MEGF10: variants seen among roughly 807,000 people sequenced by gnomAD.
The protein encoded by MEGF10 is multiple EGF like domains 10, also known as multiple epidermal growth factor-like domains protein 10.
A neutral mutation model predicts 147.5 loss-of-function variants in MEGF10; 86 were observed. The observed-to-expected ratio is 0.58, with a 90% confidence interval of 0.49 to 0.70. The LOEUF is 0.70. MEGF10 is among the 30% of genes least tolerant of loss of function. MEGF10 has a pLI of 0.00. For missense variants in MEGF10, 1,329 were observed against 1,487.3 expected, an observed-to-expected ratio of 0.89 and a Z score of 1.75; for synonymous variants, 478 against 525.5, an observed-to-expected ratio of 0.91 and a Z score of 1.24.
chr5:127,316,523 G>A (rs891338252), intron 1 of MEGF10, among the ~76,000 whole-genome samples: 1 of 152,032 alleles, frequency 6.6e-6, no homozygotes, highest in African/African-American at 2.4e-5. Context: ...TGTAATCACT[G>A]GTATTGCAAT....
At chr5:127,342,601 C>T (rs1028960672) in intron 4 of MEGF10, among the ~76,000 whole-genome samples, 1 of 152,064 alleles carries the variant, frequency 6.6e-6, no homozygotes, top group Admixed American at 6.6e-5. Flanking sequence ...TGGCATCAGC[C>T]GCATAATTCA....
rs1766490529 is a variant in MEGF10, at chr5:127,459,567, AC to A, written c.*2250del. On this transcript the variant is annotated 3_prime_UTR_variant, in exon 25 of 25. Coordinates refer to ENST00000503335, the MANE Select transcript of MEGF10 (RefSeq NM_001256545.2). ...TGTTCTCTAGAGCTAGGTCAAAAAA[AC>A]AACTGTTTCTTTTCTTATTCCACTA... The A allele has an allele frequency of 6.6e-6, 1 of 152,194 alleles. No homozygotes were observed. Among genetic ancestry groups the A allele is most frequent in the Admixed American group, 6.5e-5 (1 of 15,268 alleles). 9.4% of individuals were successfully genotyped at this position (152,194 alleles called of 1,614,324 possible). A position where few individuals can be genotyped will look rare whatever the true frequency, so the allele number is the denominator to read the frequency against.
chr5:127,279,998 T>A, the MEGF10 span, among the ~76,000 whole-genome samples: 1 of 152,252 alleles, frequency 6.6e-6, no homozygotes, highest in Non-Finnish European at 1.5e-5. Flanking sequence ...CACTAGTATT[T>A]ACTTTTAATT....
chr5:127,232,864 C>G, the MEGF10 span, among the ~76,000 whole-genome samples: 2 of 151,914 alleles, frequency 1.3e-5, no homozygotes, highest in African/African-American at 4.8e-5. Context: ...GGAAGAAAAG[C>G]GAAATGTCTG....
chr5:127,323,025 T>C (rs1212554044), intron 1 of MEGF10, among the ~76,000 whole-genome samples: 2 of 151,908 alleles, frequency 1.3e-5, no homozygotes, highest in African/African-American at 4.8e-5. Flanking sequence ...TATATATGCA[T>C]ATATATATGT....
chr5:127,459,593 A>G lies in MEGF10; in HGVS notation c.*2275A>G, dbSNP rs1256113274. ...CAACTGTTTCTTTTCTTATTCCACTATTAATAAATTGAAAGCTTGCTGTAC... is the reference window on the plus strand; with the variant it reads ...CAACTGTTTCTTTTCTTATTCCACTGTTAATAAATTGAAAGCTTGCTGTAC... On this transcript the variant is annotated 3_prime_UTR_variant, in exon 25 of 25. Coordinates refer to ENST00000503335, the MANE Select transcript of MEGF10 (RefSeq NM_001256545.2). 1 of 152,168 alleles carries G rather than the reference A, an allele frequency of 6.6e-6. No homozygotes were observed. Among genetic ancestry groups the G allele is most frequent in the Non-Finnish European group, 1.5e-5 (1 of 68,020 alleles). 9.4% of individuals were successfully genotyped at this position (152,168 alleles called of 1,614,324 possible). A position where few individuals can be genotyped will look rare whatever the true frequency, so the allele number is the denominator to read the frequency against.
chr5:127,425,756 C>T (rs1019464355), intron 13 of MEGF10, among the ~76,000 whole-genome samples: 20 of 152,084 alleles, frequency 1.3e-4, no homozygotes, highest in South Asian at 6.2e-4. Context: ...CCTTTTTGAA[C>T]GTAAAGAAGG....
At chr5:127,301,271 CAT>C (rs1238405421) in intron 1 of MEGF10, among the ~76,000 whole-genome samples, 2 of 152,162 alleles carry the variant, frequency 1.3e-5, no homozygotes, top group African/African-American at 4.8e-5. Context: ...CCTTGTCCTC[CAT>C]CAGTGTGGCG....
the MEGF10 span, among the ~76,000 whole-genome samples, chr5:127,252,359 G>C: frequency 6.6e-6 from 1 of 151,724 alleles, no homozygotes. Flanking sequence ...TGAAAAGAGG[G>C]AAACATCCAA....
Position 127,449,453 on chromosome 5 carries a change from T to G in MEGF10, c.2980+231T>G, listed in dbSNP as rs566810168. The stretch of plus-strand genomic sequence containing the variant: ...GTGCCAGGAATTGATCAAAAGAGAT[T>G]GGGATCTCTGCCTGCTCGTAGCTTA... On this transcript the variant is annotated intron_variant, in intron 22 of 24. Coordinates refer to ENST00000503335, the MANE Select transcript of MEGF10 (RefSeq NM_001256545.2). Among the ~76,000 whole-genome samples the G allele has an allele frequency of 6.6e-5, 10 of 152,338 alleles. No homozygotes were observed. In the East Asian group the frequency reaches 1.9e-3, roughly 29 times the overall value.
the MEGF10 span, chr5:127,229,636 A>T: frequency 6.6e-6 from 1 of 152,486 alleles, no homozygotes; most frequent in East Asian, 1.9e-4. Flanking sequence ...AGCGCGAGCG[A>T]CCAGGAAGCA....
chr5:127,434,695 C>A lies in MEGF10; in HGVS notation c.1849C>A (p.Pro617Thr), dbSNP rs752036559. Residue 617 changes from proline to threonine, a missense_variant, in exon 15 of 25, where the codon CCT (proline) becomes ACT (threonine). By Grantham distance (38) the Pro-to-Thr change is conservative. Coordinates refer to ENST00000503335, the MANE Select transcript of MEGF10 (RefSeq NM_001256545.2). The stretch of plus-strand genomic sequence containing the variant: ...TTCCCTTCTGTTTTCAGTCTGCTCC[C>A]CTGGTTTTTATGGGCATCGCTGCAG... Reference protein sequence around the residue: ...RGTTCQRICSPGFYGHRCSQT... With the variant: ...RGTTCQRICSTGFYGHRCSQT... 1.7e-5 allele frequency: 27 copies of A among 1,611,582 alleles called. No individual in the cohort carries two copies. The highest frequency in any genetic ancestry group is 2.1e-5 in the Non-Finnish European group (25 of 1,178,906).
the MEGF10 span, among the ~76,000 whole-genome samples, chr5:127,280,153 A>C: frequency 6.6e-6 from 1 of 152,176 alleles, no homozygotes; most frequent in South Asian, 2.1e-4. Flanking sequence ...AAAACATACA[A>C]AATTTTTTTA....
intron 1 of MEGF10, among the ~76,000 whole-genome samples, chr5:127,323,788 C>A (rs1263191079): frequency 6.6e-6 from 1 of 152,114 alleles, no homozygotes; most frequent in Non-Finnish European, 1.5e-5. Flanking sequence ...AGTATGTTAG[C>A]AAGGGCTGCA....
chr5:127,249,362 AAGG>A, the MEGF10 span, among the ~76,000 whole-genome samples: 9,645 of 151,488 alleles, frequency 0.064, 575 homozygotes, highest in African/African-American at 0.16. Context: ...AGAGAAGAAG[AAGG>A]AGGAGGAGGA....
chr5:127,429,888 G>C (rs996526240), intron 13 of MEGF10, among the ~76,000 whole-genome samples: 2 of 152,146 alleles, frequency 1.3e-5, no homozygotes, highest in Non-Finnish European at 2.9e-5. Context: ...TTTGGTCCCT[G>C]TTAACACCAG....
intron 1 of MEGF10, among the ~76,000 whole-genome samples, chr5:127,322,031 G>A (rs540267707): frequency 4.6e-5 from 7 of 150,828 alleles, no homozygotes; most frequent in Admixed American, 4.6e-4. Flanking sequence ...TCAGAGGATT[G>A]GTCAAAGTGG....
chr5:127,241,002 C>A, the MEGF10 span, among the ~76,000 whole-genome samples: 1 of 152,164 alleles, frequency 6.6e-6, no homozygotes, highest in African/African-American at 2.4e-5. Flanking sequence ...AGATTTATCT[C>A]TCCTTGTTTT....
In MEGF10 at chr5:127,290,888, C is replaced by G. The variant is rs1006304015; in HGVS notation, c.-187C>G. ...AACGCGTTGAGACGTTCCTCTTTCCCGCTTCTCCACCTTTACGCCTGAAAG... is the reference window on the plus strand; with the variant it reads ...AACGCGTTGAGACGTTCCTCTTTCCGGCTTCTCCACCTTTACGCCTGAAAG... On this transcript the variant is annotated 5_prime_UTR_variant, in exon 1 of 25. Transcript: ENST00000503335. 1 of 152,282 alleles carries G rather than the reference C, an allele frequency of 6.6e-6. No homozygotes were observed. Among genetic ancestry groups the G allele is most frequent in the Non-Finnish European group, 1.5e-5 (1 of 68,078 alleles). 9.4% of individuals were successfully genotyped at this position (152,282 alleles called of 1,614,324 possible).
Sources: allele counts gnomAD v4.1 joint callset (sites outside exome capture counted in the v4.1 genomes callset), GRCh38; gene constraint gnomAD v4.1.1; transcripts MANE v1.5; gene names NCBI Gene and HGNC (gene_info 2026-07-23, HGNC 2026-07-21).